ISOC1: variants seen among roughly 807,000 people sequenced by gnomAD.
ISOC1 encodes isochorismatase domain-containing protein 1.
ISOC1 carries 33 observed loss-of-function variants against 30.0 expected under a neutral mutation model. That is an observed-to-expected ratio of 1.10 (90% CI 0.83 to 1.47). ISOC1 has a LOEUF of 1.47. Ranked by LOEUF, ISOC1 falls within the 40% of genes most tolerant of loss-of-function variation. ISOC1 has a pLI of 0.00. For missense variants in ISOC1, 372 were observed against 388.0 expected, an observed-to-expected ratio of 0.96 and a Z score of 0.35; for synonymous variants, 178 against 159.8, an observed-to-expected ratio of 1.11 and a Z score of -0.86.
intron 1 of ISOC1, among the ~76,000 whole-genome samples, chr5:129,103,046 C>T (rs1196684753): frequency 7.9e-5 from 12 of 152,090 alleles, no homozygotes; most frequent in South Asian, 2.1e-4. Flanking sequence ...TGTTGTGAAA[C>T]GGTGAGACTG....
At chr5:129,106,901 T>C (rs1467969685) in intron 3 of ISOC1, 45 bp from the exon 4 acceptor site, 7 of 1,346,460 alleles carry the variant, frequency 5.2e-6, no homozygotes, top group South Asian at 2.4e-5. Context: ...AAACTACTTT[T>C]AGTTTATTAT....
In ISOC1 at chr5:129,102,905, T is replaced by C. The variant is rs1331407867; in HGVS notation, c.310-2051T>C. Among the ~76,000 whole-genome samples the C allele has an allele frequency of 2.0e-5, 3 of 152,164 alleles. No homozygotes were observed. The East Asian group carries it at 5.8e-4, about 29-fold the overall frequency. On this transcript the variant is annotated intron_variant, in intron 1 of 4. Coordinates refer to ENST00000173527, the MANE Select transcript of ISOC1 (RefSeq NM_016048.2). ...CAGAGGTAGTCAATACAGTATAAAATAGGATCTGAGAGCTGGAATTCTAAG... is the reference window on the plus strand; with the variant it reads ...CAGAGGTAGTCAATACAGTATAAAACAGGATCTGAGAGCTGGAATTCTAAG...
At chr5:129,095,206 G>A (rs1035009373) in intron 1 of ISOC1, 131 bp downstream of exon 1, 1 of 870,726 alleles carries the variant, frequency 1.1e-6, no homozygotes, top group South Asian at 1.9e-5. Context: ...GAGTGGCTGA[G>A]TCCGAAGGGC....
rs1753474822 is a variant in ISOC1, at chr5:129,094,971, G to C, written c.205G>C (p.Val69Leu). The change falls in exon 1 of 5, where the codon GTG (valine) becomes CTG (leucine). Residue 69 changes from valine to leucine, a missense_variant. Transcript: ENST00000173527. ...CCAGATCGACATGCACCGCAAATTC[G>C]TGGTGCAGCTGTTCGCCGAGGAGTG... ...GDQIDMHRKF[V>L]VQLFAEEWGQ... 2 of 1,612,036 alleles carry C rather than the reference G, an allele frequency of 1.2e-6. No individual in the cohort carries two copies. The highest frequency in any genetic ancestry group is 1.1e-5 in the South Asian group (1 of 90,942).
intron 1 of ISOC1, 99 bp downstream of exon 1, chr5:129,095,174 G>A: frequency 2.4e-6 from 3 of 1,225,866 alleles, no homozygotes; most frequent in Non-Finnish European, 3.3e-6. Context: ...GCCCCGAGCC[G>A]CCCGGGACCC....
At chr5:129,098,686 A>T (rs567303305) in intron 1 of ISOC1, among the ~76,000 whole-genome samples, 5 of 152,292 alleles carry the variant, frequency 3.3e-5, no homozygotes, top group Non-Finnish European at 7.4e-5. Context: ...CATAGCAGGG[A>T]AGGCTTTGGC....
intron 4 of ISOC1, among the ~76,000 whole-genome samples, chr5:129,107,859 T>G (rs575995990): frequency 7.9e-5 from 12 of 152,292 alleles, no homozygotes; most frequent in African/African-American, 2.4e-4. Context: ...CCATGTCCCA[T>G]GGAATCAGGG....
chr5:129,111,539 T>G (rs374797608), intron 4 of ISOC1, among the ~76,000 whole-genome samples: 1 of 152,222 alleles, frequency 6.6e-6, no homozygotes, highest in Non-Finnish European at 1.5e-5. Flanking sequence ...GGTTTTTGCC[T>G]CTGACTTACC....
At position 129,112,860 on chromosome 5, in the gene ISOC1, C is replaced by T. The variant is rs369274978; in HGVS notation, c.756C>T (p.Leu252=). 3.4e-5 allele frequency: 55 copies of T among 1,611,820 alleles called. No individual in the cohort carries two copies. The highest frequency in any genetic ancestry group is 4.4e-5 in the Non-Finnish European group (52 of 1,179,244). The change falls in exon 5 of 5, where the codon CTC becomes CTT. Residue 252 remains leucine (L), a synonymous_variant. Transcript: ENST00000173527. ...CCTTTATCTTTTTGTTCAAGCGTCTCGCTCGAACCGGGATCATAGTGACCA... is the reference window on the plus strand; with the variant it reads ...CCTTTATCTTTTTGTTCAAGCGTCTTGCTCGAACCGGGATCATAGTGACCA... ...MMDRMFALER[L]ARTGIIVTTS...
intron 1 of ISOC1, among the ~76,000 whole-genome samples, chr5:129,104,636 A>G (rs1282420585): frequency 2.0e-5 from 3 of 152,098 alleles, no homozygotes; most frequent in Non-Finnish European, 4.4e-5. Context: ...CATGGATGGT[A>G]TGAATTCTTT....
intron 2 of ISOC1, 41 bp downstream of exon 2, chr5:129,105,116 C>G (rs1753619441): frequency 3.7e-6 from 6 of 1,613,002 alleles, no homozygotes; most frequent in Non-Finnish European, 5.1e-6. Flanking sequence ...GCTGAATCAT[C>G]ATATACACTC....
chr5:129,103,563 G>A (rs1176007054), intron 1 of ISOC1, among the ~76,000 whole-genome samples: 1 of 152,004 alleles, frequency 6.6e-6, no homozygotes, highest in East Asian at 1.9e-4. Context: ...AAAGTGCCAG[G>A]GTACTTCAGA....
chr5:129,104,780 C>T (rs1037186967), intron 1 of ISOC1, among the ~76,000 whole-genome samples, 176 bp from the exon 2 acceptor site: 1 of 150,480 alleles, frequency 6.6e-6, no homozygotes, highest in Non-Finnish European at 1.5e-5. Flanking sequence ...ATTCAGAGAA[C>T]ATCTTTTTGA....
intron 1 of ISOC1, among the ~76,000 whole-genome samples, chr5:129,096,077 A>T (rs2150169450): frequency 6.6e-6 from 1 of 152,248 alleles, no homozygotes; most frequent in Non-Finnish European, 1.5e-5. Flanking sequence ...TTTAGTTTTT[A>T]TGGGCACATA....
Position 129,112,842 on chromosome 5 carries a change from C to G in ISOC1, c.751-13C>G. 1 of 1,608,066 alleles carries G rather than the reference C, an allele frequency of 6.2e-7. No individual in the cohort carries two copies. Among genetic ancestry groups the G allele is most frequent in the Non-Finnish European group, 8.5e-7 (1 of 1,177,974 alleles). On this transcript the variant is annotated splice_polypyrimidine_tract_variant and intron_variant, in intron 4 of 4. Transcript: ENST00000173527. The stretch of plus-strand genomic sequence containing the variant: ...TGCTTATTTCTTGATTTGCCTTTAT[C>G]TTTTTGTTCAAGCGTCTCGCTCGAA...
chr5:129,102,133 G>A (rs992574528), intron 1 of ISOC1, among the ~76,000 whole-genome samples: 5 of 152,150 alleles, frequency 3.3e-5, no homozygotes, highest in African/African-American at 1.2e-4. Flanking sequence ...AAGAAGCAGA[G>A]TACTAAGTGC....
At position 129,095,235 on chromosome 5, in the gene ISOC1, T is replaced by G. The variant is rs1280286890; in HGVS notation, c.309+160T>G. On this transcript the variant is annotated intron_variant, in intron 1 of 4. Coordinates refer to ENST00000173527, the MANE Select transcript of ISOC1 (RefSeq NM_016048.2). ...GAAGGGCTGCGCGTCTTTCGCAAGT[T>G]CCGGGGCCGGCTGGGGAATGCCCCT... Among the ~76,000 whole-genome samples the G allele has an allele frequency of 2.0e-5, 3 of 152,086 alleles. No homozygotes were observed. The East Asian group carries it at 5.9e-4, about 30-fold the overall frequency.
At chr5:129,107,329 T>G (rs1197760841) in intron 4 of ISOC1, among the ~76,000 whole-genome samples, 1 of 152,156 alleles carries the variant, frequency 6.6e-6, no homozygotes, top group Non-Finnish European at 1.5e-5. Context: ...GCCCTAGTTT[T>G]ATACGTGAAC....
rs750469956 is a variant in ISOC1, at chr5:129,105,197, C to G, written c.442C>G (p.Arg148Gly). The change falls in exon 3 of 5, where the codon CGG (arginine) becomes GGG (glycine). Residue 148 changes from arginine (R) to glycine (G), a missense_variant. Physicochemically the swap from Arg to Gly is moderately radical, Grantham distance 125. Transcript: ENST00000173527. ...SVGQRLLQGA[R>G]ILGIPVIVTE... Reference sequence around the variant, plus strand: ...TATTTTTTTTCAGTTGCAAGGGGCCCGGATTTTAGGAATTCCTGTTATTGT... The same window carrying G: ...TATTTTTTTTCAGTTGCAAGGGGCCGGGATTTTAGGAATTCCTGTTATTGT... 3 of 1,613,276 alleles carry G rather than the reference C, an allele frequency of 1.9e-6. No individual in the cohort carries two copies. The highest frequency in any genetic ancestry group is 3.3e-4 in the Middle Eastern group (2 of 6,058).
Sources: allele counts gnomAD v4.1 joint callset (sites outside exome capture counted in the v4.1 genomes callset), GRCh38; gene constraint gnomAD v4.1.1; transcripts MANE v1.5; gene names NCBI Gene and HGNC (gene_info 2026-07-23, HGNC 2026-07-21).